Variants in PPARD observed in about 807,000 individuals in gnomAD.
PPARD encodes the protein peroxisome proliferator-activated receptor delta.
Under a neutral mutation model 39.5 loss-of-function variants are expected in PPARD, and 6 were observed. That is an observed-to-expected ratio of 0.15 (90% CI 0.08 to 0.30). PPARD has a LOEUF of 0.30. PPARD is among the 10% of genes least tolerant of loss of function. PPARD has a pLI of 1.00. For missense variants in PPARD, 397 were observed against 596.8 expected (o/e 0.67, Z 3.49); for synonymous variants, 210 against 231.3 (o/e 0.91, Z 0.83).
intron 2 of PPARD, among the ~76,000 whole-genome samples, chr6:35,385,512 C>T (rs1184452333): frequency 1.3e-5 from 2 of 149,538 alleles, no homozygotes; most frequent in African/African-American, 4.9e-5. Context: ...CCGCAGGGTC[C>T]TCTGCCTAGG....
In PPARD at chr6:35,347,126, A is replaced by T. The variant is rs1190513870; in HGVS notation, c.-126A>T. ...CACACAGTGGCTTCTGCTCACCAAC[A>T]GATGAAGACAGATGCACCAACGAGG... On this transcript the variant is annotated 5_prime_UTR_variant, in exon 2 of 8. An upstream open reading frame in the 5' UTR gains an earlier in-frame stop. Coordinates refer to ENST00000360694, the MANE Select transcript of PPARD (RefSeq NM_006238.5). 2.6e-6 allele frequency: 4 copies of T among 1,536,144 alleles called. No homozygotes were observed. Among genetic ancestry groups the T allele is most frequent in the Non-Finnish European group, 3.5e-6 (4 of 1,146,916 alleles).
In PPARD at chr6:35,401,202, T is replaced by C. The variant is rs1340338223; in HGVS notation, c.-101-9785T>C. Among the ~76,000 whole-genome samples the C allele has an allele frequency of 6.6e-6, 1 of 152,072 alleles. No homozygotes were observed. The highest frequency in any genetic ancestry group is 1.5e-5 in the Non-Finnish European group (1 of 68,004). ...TACTCAGCTCTGAGTCAGGGCCCCA[T>C]CCCTCAACTCCTCAGCCTGAGTCTT... On this transcript the variant is annotated intron_variant, in intron 2 of 7. Transcript: ENST00000360694. The surrounding 1 kb of genome is among the most constrained non-coding windows in gnomAD (Gnocchi z 4.1).
chr6:35,382,602 ATT>A (rs1763213939), intron 2 of PPARD, among the ~76,000 whole-genome samples: 1 of 152,210 alleles, frequency 6.6e-6, no homozygotes, highest in African/African-American at 2.4e-5. Context: ...AAGAACATCT[ATT>A]GCTGTTTCCT....
At chr6:35,398,556 A>G (rs1307220809) in intron 2 of PPARD, among the ~76,000 whole-genome samples, 1 of 152,170 alleles carries the variant, frequency 6.6e-6, no homozygotes, top group Non-Finnish European at 1.5e-5. Context: ...AAGGCATTGG[A>G]AGGCACAAGC....
At chr6:35,420,972 A>G (rs899868643) in intron 4 of PPARD, among the ~76,000 whole-genome samples, 1 of 151,328 alleles carries the variant, frequency 6.6e-6, no homozygotes, top group Non-Finnish European at 1.5e-5. Context: ...GATTACAGGT[A>G]CATGCCACCA....
intron 2 of PPARD, among the ~76,000 whole-genome samples, chr6:35,384,059 G>A (rs1416685876): frequency 3.9e-4 from 54 of 139,612 alleles, no homozygotes; most frequent in African/African-American, 1.0e-3. Flanking sequence ...CCCCCCGCCA[G>A]GCCAGCCGCC....
At chr6:35,352,728 T>C (rs1416655141) in intron 2 of PPARD, among the ~76,000 whole-genome samples, 2 of 152,168 alleles carry the variant, frequency 1.3e-5, no homozygotes, top group Admixed American at 6.5e-5. Flanking sequence ...GGCACATGGG[T>C]GGCACTTGAT....
chr6:35,386,259 G>A (rs960937428), intron 2 of PPARD, among the ~76,000 whole-genome samples: 8 of 150,912 alleles, frequency 5.3e-5, no homozygotes, highest in African/African-American at 2.0e-4. Context: ...AAGGCCCTTT[G>A]CATTCTTTGC....
intron 3 of PPARD, among the ~76,000 whole-genome samples, chr6:35,419,659 T>C (rs1046689372): frequency 3.9e-5 from 6 of 152,098 alleles, no homozygotes; most frequent in African/African-American, 1.4e-4. Context: ...TCTGCAGAGG[T>C]CTACAGTCCT....
At chr6:35,380,476 G>GTTTTTT (rs71002557) in intron 2 of PPARD, among the ~76,000 whole-genome samples, 84 of 67,144 alleles carry the variant, frequency 1.3e-3, no homozygotes, top group East Asian at 2.7e-3. Flanking sequence ...TTTTTTGTTT[G>GTTTTTT]TTTTTTTTTT....
chr6:35,422,020 AG>A lies in PPARD; in HGVS notation c.424+65del, dbSNP rs1334243701. The A allele has an allele frequency of 3.9e-6, 6 of 1,526,294 alleles. No homozygotes were observed. The Admixed American group carries it at 6.1e-5, about 16-fold the overall frequency. The allele number at this position is 1,526,294 out of a possible 1,614,324, so 94.5% of individuals were successfully genotyped here. A position where few individuals can be genotyped will look rare whatever the true frequency, so the allele number is the denominator to read the frequency against. ...TCCACACAGCCTGAAACCAAGGTCC[AG>A]GGAGCCCTTGGGGCAGCCTAGAGGG... is the stretch of plus-strand genomic sequence containing the variant. On this transcript the variant is annotated intron_variant, in intron 5 of 7. Transcript: ENST00000360694.
chr6:35,416,203 G>A (rs927152278), intron 3 of PPARD, among the ~76,000 whole-genome samples: 1 of 151,734 alleles, frequency 6.6e-6, no homozygotes, highest in Non-Finnish European at 1.5e-5. Flanking sequence ...CCAACATGGT[G>A]AAACCCCATC....
intron 2 of PPARD, among the ~76,000 whole-genome samples, chr6:35,358,862 C>G (rs1274919705): frequency 6.6e-6 from 1 of 152,148 alleles, no homozygotes. Context: ...AAGGGATAAA[C>G]AAAGCAGATA....
At chr6:35,407,799 TAAA>T (rs201207213) in intron 2 of PPARD, among the ~76,000 whole-genome samples, 1 of 143,580 alleles carries the variant, frequency 7.0e-6, no homozygotes. Context: ...TTCACACAAT[TAAA>T]AAAAAAAAAA....
At position 35,425,885 on chromosome 6, in the gene PPARD, C is replaced by A. The variant is rs1221447634; in HGVS notation, c.1132C>A (p.Leu378Met). Residue 378 changes from leucine to methionine, a missense_variant, in exon 8 of 8, where the codon CTG (leucine) becomes ATG (methionine). Coordinates refer to ENST00000360694, the MANE Select transcript of PPARD (RefSeq NM_006238.5). This position sits in a 1 kb window ranked among gnomAD's most constrained non-coding sequence, Gnocchi z 4.5. ...GGTGGAGGCTATCCAGGACACCATC[C>A]TGCGTGCCCTCGAATTCCACCTGCA... Reference protein sequence around the residue: ...PRVEAIQDTILRALEFHLQAN... With the variant: ...PRVEAIQDTIMRALEFHLQAN... 6.2e-7 allele frequency: 1 copy of A among 1,614,164 alleles called. No homozygotes were observed. Among genetic ancestry groups the A allele is most frequent in the Admixed American group, 1.7e-5 (1 of 60,030 alleles).
At chr6:35,405,857 T>G (rs902369806) in intron 2 of PPARD, among the ~76,000 whole-genome samples, 11 of 151,990 alleles carry the variant, frequency 7.2e-5, no homozygotes, top group Non-Finnish European at 1.5e-4. Context: ...CTCGAACACC[T>G]GACCTCAAGT....
intron 2 of PPARD, among the ~76,000 whole-genome samples, chr6:35,392,851 A>G (rs1331380448): frequency 6.6e-6 from 1 of 152,086 alleles, no homozygotes; most frequent in Admixed American, 6.5e-5. Context: ...GCACCTGAGC[A>G]CTTGGTAAGT....
intron 2 of PPARD, among the ~76,000 whole-genome samples, chr6:35,370,087 G>A (rs1039253705): frequency 1.3e-5 from 2 of 152,122 alleles, no homozygotes; most frequent in African/African-American, 4.8e-5. Context: ...TTTGAATCTG[G>A]GTTAATTTGT....
chr6:35,402,966 C>T (rs1363208849), intron 2 of PPARD, among the ~76,000 whole-genome samples: 1 of 152,212 alleles, frequency 6.6e-6, no homozygotes, highest in Non-Finnish European at 1.5e-5. Context: ...GCCCCTTATT[C>T]CGTTGCAGTA....
Sources: allele counts gnomAD v4.1 joint callset (sites outside exome capture counted in the v4.1 genomes callset), GRCh38; gene constraint gnomAD v4.1.1; non-coding constraint Gnocchi (gnomAD v3.1); transcripts MANE v1.5; gene names NCBI Gene and HGNC (gene_info 2026-07-23, HGNC 2026-07-21).